ASIP: variants seen among roughly 807,000 people sequenced by gnomAD.
ASIP encodes the protein agouti-signaling protein.
In ASIP, 11 loss-of-function variants were observed where a neutral mutation model predicts 10.3. The observed-to-expected ratio is 1.07, with a 90% CI of 0.68 to 1.78. The LOEUF is 1.78. Ranked by LOEUF, ASIP falls within the 40% of genes most tolerant of loss-of-function variation. The pLI is 0.00. For missense variants in ASIP, 180 were observed against 169.2 expected (o/e 1.06, Z -0.35); for synonymous variants, 70 against 70.8 (o/e 0.99, Z 0.06).
At chr20:34,242,215 AT>A (rs1160127407) in intron 1 of ASIP, among the ~76,000 whole-genome samples, 3 of 151,090 alleles carry the variant, frequency 2.0e-5, no homozygotes, top group African/African-American at 7.3e-5. Flanking sequence ...TTATTTTATT[AT>A]TTTTATTTTA....
At chr20:34,197,406 C>G (rs6119471) in intron 1 of ASIP, among the ~76,000 whole-genome samples, 25,139 of 152,156 alleles carry the variant, frequency 0.17, 6,991 homozygotes, top group African/African-American at 0.57. Context: ...GATCCCAGGT[C>G]TTACGCATTT....
intron 1 of ASIP, among the ~76,000 whole-genome samples, chr20:34,219,802 A>G (rs577952530): frequency 1.2e-4 from 18 of 152,284 alleles, no homozygotes; most frequent in African/African-American, 4.3e-4. Context: ...AAAAATACAA[A>G]ACATGTGCTG....
chr20:34,263,177 A>C (rs73254695), intron 3 of ASIP, among the ~76,000 whole-genome samples: 4,453 of 152,312 alleles, frequency 0.029, 251 homozygotes, highest in African/African-American at 0.1. Flanking sequence ...CTTTTGGATG[A>C]ATGTGGTGTT....
chr20:34,213,462 G>A, intron 1 of ASIP: 1 of 1,205,940 alleles, frequency 8.3e-7, no homozygotes, highest in Non-Finnish European at 1.2e-6. Flanking sequence ...TAGAGACTGA[G>A]ACAGTTTTGA....
At chr20:34,233,506 A>G (rs1489297249) in intron 1 of ASIP, among the ~76,000 whole-genome samples, 1 of 152,156 alleles carries the variant, frequency 6.6e-6, no homozygotes. Context: ...CAAAGACTAC[A>G]TACTGTAGGA....
intron 1 of ASIP, among the ~76,000 whole-genome samples, chr20:34,256,810 G>A (rs2035576839): frequency 6.6e-6 from 1 of 152,038 alleles, no homozygotes; most frequent in African/African-American, 2.4e-5. Context: ...GAGTCTCACT[G>A]TGTTGCCCAG....
At chr20:34,217,413 G>A (rs868826437) in intron 1 of ASIP, among the ~76,000 whole-genome samples, 3 of 150,704 alleles carry the variant, frequency 2.0e-5, no homozygotes, top group East Asian at 3.9e-4. Context: ...ACTCCAGCCT[G>A]GGGGACAGAA....
intron 1 of ASIP, chr20:34,249,977 G>A (rs983021296): frequency 6.6e-6 from 1 of 152,242 alleles, no homozygotes; most frequent in Non-Finnish European, 1.5e-5. Context: ...TCAAAGGAAA[G>A]CCTGCCTTCA....
chr20:34,213,792 G>A, intron 1 of ASIP: 1 of 1,506,502 alleles, frequency 6.6e-7, no homozygotes, highest in East Asian at 2.3e-5. Context: ...AGGGACAACT[G>A]AGGGCCAGCA....
chr20:34,204,742 C>T (rs1165577066), intron 1 of ASIP, among the ~76,000 whole-genome samples: 1 of 152,186 alleles, frequency 6.6e-6, no homozygotes, highest in Non-Finnish European at 1.5e-5. Context: ...AATTTTTAAA[C>T]ATTAACAGAT....
chr20:34,241,544 T>G, intron 1 of ASIP, 55 bp downstream of exon 1: 1 of 985,320 alleles, frequency 1.0e-6, no homozygotes, highest in Admixed American at 6.1e-5. Flanking sequence ...GCTGCTACTT[T>G]GGAAAGTTGA....
chr20:34,188,963 G>A, the ASIP span, among the ~76,000 whole-genome samples: 2 of 152,214 alleles, frequency 1.3e-5, no homozygotes, highest in South Asian at 2.1e-4. Flanking sequence ...AGGGCTCTGA[G>A]ATCTTTAACC....
At chr20:34,258,679 A>ATATATATATATATATATATATC (rs1568768630) in intron 1 of ASIP, among the ~76,000 whole-genome samples, 1 of 69,608 alleles carries the variant, frequency 1.4e-5, no homozygotes, top group Non-Finnish European at 2.3e-5. Context: ...GATGCCATAT[A>ATATATATATATATATATATATC]TATATATATA....
At chr20:34,232,760 G>A (rs2035130481) in intron 1 of ASIP, among the ~76,000 whole-genome samples, 1 of 152,222 alleles carries the variant, frequency 6.6e-6, no homozygotes, top group Non-Finnish European at 1.5e-5. Flanking sequence ...ACCTTTGACA[G>A]CACCAGGCAC....
upstream of ASIP, among the ~76,000 whole-genome samples, chr20:34,191,730 C>CTTTT (rs58407816): frequency 2.8e-4 from 35 of 125,166 alleles, 1 homozygote; most frequent in African/African-American, 9.3e-4. Context: ...CTCTCTCTCT[C>CTTTT]TTTTTTTTTT....
chr20:34,246,394 A>G, intron 1 of ASIP: 1 of 1,388,596 alleles, frequency 7.2e-7, no homozygotes, highest in Non-Finnish European at 1.0e-6. Context: ...TACAATGAGC[A>G]ACATCAGGCA....
rs1331335504 is a variant in ASIP at position 34,260,288 on chromosome 20, A to C, written c.-10-77A>C. 1.2e-5 allele frequency: 18 copies of C among 1,443,414 alleles called. No homozygotes were observed. In the South Asian group the frequency reaches 1.8e-4, roughly 15 times the overall value. 89.4% of individuals were successfully genotyped at this position (1,443,414 alleles called of 1,614,324 possible). ...ACAGGGTCACAACACCAGCCCAAAG[A>C]AGCACAAAGAAAGCAGGAAGGCCTC... On this transcript the variant is annotated intron_variant, in intron 1 of 3. Transcript: ENST00000374954.
intron 1 of ASIP, among the ~76,000 whole-genome samples, chr20:34,198,927 C>G (rs932365483): frequency 6.6e-6 from 1 of 152,124 alleles, no homozygotes; most frequent in Non-Finnish European, 1.5e-5. Context: ...CCTCCTCATT[C>G]CCCCTTCAAG....
intron 1 of ASIP, among the ~76,000 whole-genome samples, chr20:34,199,803 A>T (rs2034881239): frequency 6.6e-6 from 1 of 152,172 alleles, no homozygotes; most frequent in South Asian, 2.1e-4. Context: ...AAAAATCCTG[A>T]TTCCTGTCTT....
Sources: gnomAD v4.1 joint callset for allele counts (sites outside exome capture counted in the v4.1 genomes callset) on GRCh38, gnomAD v4.1.1 for gene constraint, MANE v1.5 for transcripts, NCBI Gene and HGNC (gene_info 2026-07-23, HGNC 2026-07-21) for gene names.